The following GRXCR2 variants were observed in gnomAD, a reference collection of about 807,000 sequenced individuals.
GRXCR2 encodes glutaredoxin and cysteine rich domain containing 2, also known as glutaredoxin domain-containing cysteine-rich protein 2.
A neutral mutation model predicts 24.8 loss-of-function variants in GRXCR2; 23 were observed. The ratio of observed to expected loss-of-function variants is 0.93; its 90% confidence interval spans 0.67 to 1.32. GRXCR2 has a LOEUF of 1.32. Among genes scored for constraint, GRXCR2 ranks in the 40% most tolerant of loss-of-function variants. The pLI is 0.00. For missense variants in GRXCR2, 315 were observed against 303.4 expected (o/e 1.04, Z -0.28); for synonymous variants, 130 against 116.1 (o/e 1.12, Z -0.77).
At chr5:145,874,240 T>C (rs1212465327), upstream of GRXCR2, among the ~76,000 whole-genome samples, 5 of 151,646 alleles carry the variant, frequency 3.3e-5, no homozygotes, top group South Asian at 1.0e-3. Context: ...AGTCTCACTC[T>C]GTTGCCAGGC....
At chr5:145,896,361 G>A (rs1756948735) in intron 2 of GRXCR2, among the ~76,000 whole-genome samples, 1 of 152,028 alleles carries the variant, frequency 6.6e-6, no homozygotes, top group South Asian at 2.1e-4. Flanking sequence ...CAGAATGGGA[G>A]AAAATTTTTG....
At chr5:145,880,831 A>G (rs1309740910) in intron 2 of GRXCR2, among the ~76,000 whole-genome samples, 1 of 152,202 alleles carries the variant, frequency 6.6e-6, no homozygotes, top group Admixed American at 6.5e-5. Context: ...CTTATCCACC[A>G]TGATCAAGTC....
intron 2 of GRXCR2, among the ~76,000 whole-genome samples, chr5:145,918,730 T>C (rs1381250822): frequency 6.6e-6 from 1 of 152,100 alleles, no homozygotes; most frequent in Non-Finnish European, 1.5e-5. Flanking sequence ...TTTCCCCCCA[T>C]CTAGAGGAAG....
intron 2 of GRXCR2, among the ~76,000 whole-genome samples, chr5:145,897,247 T>TTACATACATACA (rs67092971): frequency 7.1e-4 from 103 of 145,822 alleles, no homozygotes; most frequent in Admixed American, 1.6e-3. Flanking sequence ...CTGTTGTTTG[T>TTACATACATACA]TACATACATA....
In GRXCR2 at chr5:145,872,773, C is replaced by G. The variant is rs1388101037; in HGVS notation, c.196G>C (p.Gly66Arg). 4 of 1,614,028 alleles carry G rather than the reference C, an allele frequency of 2.5e-6. No individual in the cohort carries two copies. The highest frequency in any genetic ancestry group is 3.4e-6 in the Non-Finnish European group (4 of 1,179,992). The change falls in exon 1 of 3, where the codon GGG becomes CGG. Residue 66 changes from glycine (G) to arginine (R), a missense_variant. Physicochemically the swap from Gly to Arg is moderately radical, Grantham distance 125. Coordinates refer to ENST00000377976, the MANE Select transcript of GRXCR2 (RefSeq NM_001080516.2). The part of the protein sequence containing the change: ...ESLETMDGVY[G>R]SGEVPRPQMC... ...TGGGGCCTGGGGACTTCCCCAGACC[C>G]ATAAACACCATCCATTGTTTCAAGA...
chr5:145,930,007 T>C (rs560780529), intron 2 of GRXCR2, among the ~76,000 whole-genome samples: 1 of 152,306 alleles, frequency 6.6e-6, no homozygotes, highest in Non-Finnish European at 1.5e-5. Flanking sequence ...TCTTTTCATT[T>C]TTCCTTCACT....
Position 145,859,879 on chromosome 5 carries a change from G to A in GRXCR2, c.601C>T (p.Arg201Ter), listed in dbSNP as rs765655672. The A allele has an allele frequency of 2.5e-5, 40 of 1,601,920 alleles. No homozygotes were observed. The highest frequency in any genetic ancestry group is 6.7e-5 in the South Asian group (6 of 89,788). Residue 201 changes from arginine (R) to a stop codon, truncating the protein, a stop_gained, in exon 3 of 3, where the codon CGA (arginine) becomes TGA (stop). Transcript: ENST00000377976. LOFTEE classifies it high-confidence loss of function. ...DIPEDSCFHC[R>*]GSGSATCSLC... Reference sequence around the variant, plus strand: ...GAGCAGGTGGCACTGCCCGACCCTCGGCAGTGAAAACAGCTGTCCTCGGGA... The same window carrying A: ...GAGCAGGTGGCACTGCCCGACCCTCAGCAGTGAAAACAGCTGTCCTCGGGA...
chr5:145,885,588 A>G (rs1036156574), intron 2 of GRXCR2, among the ~76,000 whole-genome samples: 13 of 152,234 alleles, frequency 8.5e-5, no homozygotes, highest in African/African-American at 2.7e-4. Context: ...TGCTAATAAT[A>G]TAAGTTTGGA....
chr5:145,873,726 G>A (rs575572231), upstream of GRXCR2, among the ~76,000 whole-genome samples: 2 of 152,290 alleles, frequency 1.3e-5, no homozygotes, highest in Admixed American at 6.5e-5. Context: ...CTCCCCCTAC[G>A]CTAACCAGAG....
At chr5:145,907,958 G>A (rs1757113938) in intron 2 of GRXCR2, among the ~76,000 whole-genome samples, 1 of 152,160 alleles carries the variant, frequency 6.6e-6, no homozygotes, top group African/African-American at 2.4e-5. Flanking sequence ...CGGAGTAGGT[G>A]GTTGAATATC....
chr5:145,897,420 A>G (rs72816465), intron 2 of GRXCR2, among the ~76,000 whole-genome samples: 2 of 152,018 alleles, frequency 1.3e-5, no homozygotes, highest in African/African-American at 4.8e-5. Flanking sequence ...AAGGCAAAAA[A>G]CTAACAAAGA....
intron 2 of GRXCR2, among the ~76,000 whole-genome samples, chr5:145,925,237 G>A (rs1409692447): frequency 6.6e-6 from 1 of 152,174 alleles, no homozygotes; most frequent in Non-Finnish European, 1.5e-5. Context: ...CAGAGTGTAT[G>A]TTCATAACTA....
intron 2 of GRXCR2, among the ~76,000 whole-genome samples, chr5:145,926,239 TA>T (rs1211837749): frequency 2.0e-5 from 3 of 152,168 alleles, no homozygotes; most frequent in African/African-American, 7.2e-5. Flanking sequence ...TGAAGTTTAT[TA>T]TTTTTTTAAT....
chr5:145,881,090 G>A (rs999757971), intron 2 of GRXCR2, among the ~76,000 whole-genome samples: 2 of 152,150 alleles, frequency 1.3e-5, no homozygotes, highest in African/African-American at 2.4e-5. Context: ...ATGGGCAAAA[G>A]CTGGAAGCAT....
intron 2 of GRXCR2, among the ~76,000 whole-genome samples, chr5:145,918,536 C>A (rs908783053): frequency 2.0e-5 from 3 of 152,238 alleles, no homozygotes; most frequent in African/African-American, 7.2e-5. Flanking sequence ...ACTGCCCAGT[C>A]CTGTGGGCAT....
intron 2 of GRXCR2, among the ~76,000 whole-genome samples, chr5:145,864,110 AT>A (rs947404768): frequency 6.6e-6 from 1 of 152,102 alleles, no homozygotes; most frequent in East Asian, 1.9e-4. Flanking sequence ...ATCCTAGAGG[AT>A]TTTTTTCCTC....
upstream of GRXCR2, among the ~76,000 whole-genome samples, chr5:145,873,978 T>G (rs62393671): frequency 0.25 from 37,866 of 151,958 alleles, 5,313 homozygotes; most frequent in Non-Finnish European, 0.32. Context: ...GAATAGCCAC[T>G]CTGGGAAGGA....
chr5:145,885,085 ATGTGTGTGTGTCTGTGTGTGTGTGTG>A (rs1460326242), intron 2 of GRXCR2, among the ~76,000 whole-genome samples: 1 of 134,492 alleles, frequency 7.4e-6, no homozygotes, highest in Non-Finnish European at 1.5e-5. Context: ...ATCATGCAGC[ATGTGTGTGTGTCTGTGTGTGTGTGTG>A]TGTGTGTGTG....
At chr5:145,861,040 G>A (rs1756328616) in intron 2 of GRXCR2, among the ~76,000 whole-genome samples, 1 of 151,750 alleles carries the variant, frequency 6.6e-6, no homozygotes, top group African/African-American at 2.4e-5. Context: ...GAAATAAGGG[G>A]AGATACTAGA....
Sources: gnomAD v4.1 joint callset for allele counts (sites outside exome capture counted in the v4.1 genomes callset) on GRCh38, gnomAD v4.1.1 for gene constraint, MANE v1.5 for transcripts, NCBI Gene and HGNC (gene_info 2026-07-23, HGNC 2026-07-21) for gene names.